The following RAPGEF3 variants were observed in gnomAD, a reference collection of about 807,000 sequenced individuals.
RAPGEF3 encodes the protein Rap guanine nucleotide exchange factor 3.
Under a neutral mutation model 129.8 loss-of-function variants are expected in RAPGEF3, and 103 were observed. The observed-to-expected ratio is 0.79, with a 90% CI of 0.68 to 0.93. RAPGEF3 has a LOEUF of 0.93. Ranked by LOEUF, RAPGEF3 falls within the 40% of genes least tolerant of loss-of-function variation. RAPGEF3 has a pLI of 0.00. For synonymous variants in RAPGEF3, 436 were observed against 482.6 expected (o/e 0.90, Z 1.26); for missense variants, 1,117 against 1,207.4 (o/e 0.93, Z 1.11).
intron 1 of RAPGEF3, 149 bp downstream of exon 1, chr12:47,758,402 T>G: frequency 6.5e-7 from 1 of 1,530,496 alleles, no homozygotes; most frequent in Non-Finnish European, 8.8e-7. Context: ...ATTCACTAGG[T>G]CTCCCAGAAA....
Position 47,736,808 on chromosome 12 carries a change from G to C in RAPGEF3, c.*759C>G, listed in dbSNP as rs954277515. The C allele has an allele frequency of 6.6e-6, 1 of 152,314 alleles. No individual in the cohort carries two copies. Among genetic ancestry groups the C allele is most frequent in the Non-Finnish European group, 1.5e-5 (1 of 68,108 alleles). The allele number at this position is 152,314 out of a possible 1,614,324, so 9.4% of individuals were successfully genotyped here. A position where few individuals can be genotyped will look rare whatever the true frequency, so the allele number is the denominator to read the frequency against. ...ATTGGACCACCACGGGGAGCTGATG[G>C]TCACCCTGGCTGGCTGCTGACAGGG... On this transcript the variant is annotated 3_prime_UTR_variant, in exon 28 of 28. Coordinates refer to ENST00000449771, the MANE Select transcript of RAPGEF3 (RefSeq NM_001098531.4).
intron 16 of RAPGEF3, chr12:47,745,524 C>T (rs1941378296): frequency 6.6e-6 from 1 of 152,520 alleles, no homozygotes; most frequent in Non-Finnish European, 1.5e-5. Flanking sequence ...TCCCTTTCCT[C>T]CTGGGTTTGC....
intron 2 of RAPGEF3, among the ~76,000 whole-genome samples, chr12:47,755,327 TA>T (rs1308663639): frequency 6.6e-6 from 1 of 152,190 alleles, no homozygotes; most frequent in Non-Finnish European, 1.5e-5. Flanking sequence ...TTTGATATGA[TA>T]AAGGCAAACC....
chr12:47,738,892 C>A (rs969555908), intron 24 of RAPGEF3, 138 bp from the exon 25 acceptor site: 7 of 833,262 alleles, frequency 8.4e-6, no homozygotes, highest in South Asian at 1.5e-5. Context: ...CAAGCCCCAG[C>A]AGCATTTCCT....
At chr12:47,752,483 T>A in intron 2 of RAPGEF3, 1 of 160,566 alleles carries the variant, frequency 6.2e-6, no homozygotes, top group Non-Finnish European at 1.4e-5. Context: ...GGGCCTCGGA[T>A]CAGCCTGGTT....
At chr12:47,753,617 C>G (rs548467039) in intron 2 of RAPGEF3, among the ~76,000 whole-genome samples, 2 of 152,318 alleles carry the variant, frequency 1.3e-5, no homozygotes, top group Admixed American at 6.5e-5. Context: ...GGAGACTTAA[C>G]GACAGGAAAT....
chr12:47,749,710 G>C lies in RAPGEF3; in HGVS notation c.894+31C>G, dbSNP rs1941632905. 1 of 1,612,694 alleles carries C rather than the reference G, an allele frequency of 6.2e-7. No homozygotes were observed. The highest frequency in any genetic ancestry group is 8.5e-7 in the Non-Finnish European group (1 of 1,178,954). ...GGACCAGGGAGCAGTTAGGACCCAG[G>C]GCACTGGGGTGGGGAGGAGGGAGGG... On this transcript the variant is annotated intron_variant, in intron 9 of 27. Coordinates refer to ENST00000449771, the MANE Select transcript of RAPGEF3 (RefSeq NM_001098531.4). This position sits in a 1 kb window ranked among gnomAD's most constrained non-coding sequence, Gnocchi z 4.5.
intron 16 of RAPGEF3, chr12:47,746,625 T>C: frequency 1.4e-6 from 1 of 709,550 alleles, no homozygotes; most frequent in Non-Finnish European, 2.6e-6. Context: ...AAAAGGCCCA[T>C]TGAGTCAGGG....
chr12:47,749,904 G>A lies in RAPGEF3; in HGVS notation c.817+26C>T. On this transcript the variant is annotated intron_variant, in intron 8 of 27. Coordinates refer to ENST00000449771, the MANE Select transcript of RAPGEF3 (RefSeq NM_001098531.4). This position sits in a 1 kb window ranked among gnomAD's most constrained non-coding sequence, Gnocchi z 4.5. ...CTGCCCATGTCCAGGCCCTGTGCCTGGCTTCTTATGCCCTGCTGGACTTAC... is the reference window on the plus strand; with the variant it reads ...CTGCCCATGTCCAGGCCCTGTGCCTAGCTTCTTATGCCCTGCTGGACTTAC... 3.1e-6 allele frequency: 5 copies of A among 1,614,184 alleles called. No individual in the cohort carries two copies. Among genetic ancestry groups the A allele is most frequent in the Non-Finnish European group, 3.4e-6 (4 of 1,180,004 alleles).
chr12:47,746,718 C>A lies in RAPGEF3; in HGVS notation c.1596+142G>T, dbSNP rs553570430. ...AGGGCACCACATGCAGCAAGGGCCC[C>A]GTGAACACCTATCAGAGACCCAAGG... On this transcript the variant is annotated intron_variant, in intron 16 of 27. Coordinates refer to ENST00000449771, the MANE Select transcript of RAPGEF3 (RefSeq NM_001098531.4). The A allele has an allele frequency of 7.9e-6, 8 of 1,015,686 alleles. No homozygotes were observed. The East Asian group carries it at 1.8e-4, about 23-fold the overall frequency. 62.9% of individuals were successfully genotyped at this position (1,015,686 alleles called of 1,614,324 possible). A position where few individuals can be genotyped will look rare whatever the true frequency, so the allele number is the denominator to read the frequency against.
intron 1 of RAPGEF3, 77 bp from the exon 2 acceptor site, chr12:47,758,155 A>C (rs1447935836): frequency 6.7e-7 from 1 of 1,501,046 alleles, no homozygotes; most frequent in African/African-American, 1.4e-5. Flanking sequence ...TGCCCCAGGC[A>C]GAACTACTTC....
chr12:47,751,754 G>A lies in RAPGEF3; in HGVS notation c.349C>T (p.Arg117Ter), dbSNP rs376712555. ...HLLATCPNLI[R>*]DRKYHLRLYR... ...AGCCTAAGGTGGTACTTCCGGTCTCGGATGAGGTTTGGGCAGGTGGCCAGC... is the reference window on the plus strand; with the variant it reads ...AGCCTAAGGTGGTACTTCCGGTCTCAGATGAGGTTTGGGCAGGTGGCCAGC... Residue 117 changes from arginine (R) to a stop codon, truncating the protein, a stop_gained, in exon 4 of 28, where the codon CGA becomes TGA. Coordinates refer to ENST00000449771, the MANE Select transcript of RAPGEF3 (RefSeq NM_001098531.4). LOFTEE classifies it high-confidence loss of function. 31 of 1,613,650 alleles carry A rather than the reference G, an allele frequency of 1.9e-5. No homozygotes were observed. The highest frequency in any genetic ancestry group is 2.2e-5 in the East Asian group (1 of 44,886).
In RAPGEF3 at chr12:47,738,204, C is replaced by T. The variant is rs200517997; in HGVS notation, c.2570G>A (p.Ser857Asn). 252 of 1,613,672 alleles carry T rather than the reference C, an allele frequency of 1.6e-4. No individual in the cohort carries two copies. The highest frequency in any genetic ancestry group is 2.0e-4 in the Non-Finnish European group (238 of 1,180,010). ...ACCCGCCCTCTCACCAGGGTTGTGG[C>T]TTCGGCAGTGGTGCAGCATCCGCGC... ...RAARMLHHCR[S>N]HNPVPLSPLR... Residue 857 changes from serine (S) to asparagine (N), a missense_variant, in exon 26 of 28, where the codon AGC (serine) becomes AAC (asparagine). By Grantham distance (46) the Ser-to-Asn change is conservative. Transcript: ENST00000449771.
At chr12:47,754,910 G>T (rs1346575261) in intron 2 of RAPGEF3, among the ~76,000 whole-genome samples, 3 of 152,174 alleles carry the variant, frequency 2.0e-5, no homozygotes, top group East Asian at 1.9e-4. Flanking sequence ...CAGCACTGTG[G>T]CCTGCCCCAC....
chr12:47,737,989 C>G (rs542020053), intron 27 of RAPGEF3, 33 bp downstream of exon 27: 1 of 1,569,318 alleles, frequency 6.4e-7, no homozygotes, highest in Admixed American at 1.7e-5. Flanking sequence ...TAAGCACCCC[C>G]TCCCTGCCCA....
Position 47,751,158 on chromosome 12 carries a change from G to C in RAPGEF3, c.561C>G (p.Pro187=), listed in dbSNP as rs750692098. 3 of 1,556,986 alleles carry C rather than the reference G, an allele frequency of 1.9e-6. No individual in the cohort carries two copies. Among genetic ancestry groups the C allele is most frequent in the Non-Finnish European group, 2.6e-6 (3 of 1,150,232 alleles). ...RDAQFYRFPG[P]EPEPVRTHEM... ...CATGAGTTCTCACGGGCTCGGGCTC[G>C]GGCCCGGGGAACCGGTAGAATTGGG... is the stretch of plus-strand genomic sequence containing the variant. The change falls in exon 6 of 28, where the codon CCC becomes CCG. Residue 187 remains proline (P), a synonymous_variant. Transcript: ENST00000449771.
Position 47,737,633 on chromosome 12 carries a change from G to C in RAPGEF3, c.2706C>G (p.Val902=), listed in dbSNP as rs764057509. Residue 902 remains valine (V), a synonymous_variant, in exon 28 of 28, where the codon GTC becomes GTG. Coordinates refer to ENST00000449771, the MANE Select transcript of RAPGEF3 (RefSeq NM_001098531.4). ...TRSPASTWAY[V]QQLKVIDNQR... ...GGTTGTCAATGACCTTCAGCTGCTG[G>C]ACATAAGCCCAGGTGCTGGCTGGAC... The C allele has an allele frequency of 6.2e-7, 1 of 1,612,184 alleles. No individual in the cohort carries two copies. Among genetic ancestry groups the C allele is most frequent in the Non-Finnish European group, 8.5e-7 (1 of 1,179,554 alleles).
intron 5 of RAPGEF3, 28 bp from the exon 6 acceptor site, chr12:47,751,244 G>C: frequency 1.9e-6 from 3 of 1,546,572 alleles, no homozygotes; most frequent in Middle Eastern, 3.4e-4. Flanking sequence ...AGGCGTGGGG[G>C]AGGAGAGGAA....
At chr12:47,748,747 C>G in intron 11 of RAPGEF3, 72 bp downstream of exon 11, 1 of 1,253,994 alleles carries the variant, frequency 8.0e-7, no homozygotes, top group Non-Finnish European at 1.2e-6. Flanking sequence ...GGATATGACA[C>G]AGGGGAAGGG....
Sources: allele counts gnomAD v4.1 joint callset (sites outside exome capture counted in the v4.1 genomes callset), GRCh38; gene constraint gnomAD v4.1.1; non-coding constraint Gnocchi (gnomAD v3.1); transcripts MANE v1.5; gene names NCBI Gene and HGNC (gene_info 2026-07-23, HGNC 2026-07-21).